Variants in KMT2E observed in about 807,000 individuals in gnomAD.
KMT2E encodes the protein lysine methyltransferase 2E (inactive), also known as histone reader KMT2E.
Under a neutral mutation model 184.6 loss-of-function variants are expected in KMT2E, and 30 were observed. The ratio of observed to expected loss-of-function variants is 0.16; its 90% CI spans 0.12 to 0.22. KMT2E has a LOEUF of 0.22. Among genes scored for constraint, KMT2E ranks in the 10% least tolerant of loss-of-function variants. KMT2E has a pLI of 1.00. For synonymous variants in KMT2E, 815 were observed against 776.5 expected (o/e 1.05, Z -0.82); for missense variants, 2,023 against 2,237.4 (o/e 0.90, Z 1.93).
chr7:105,072,204 G>C (rs1380008962), intron 6 of KMT2E, among the ~76,000 whole-genome samples: 1 of 152,068 alleles, frequency 6.6e-6, no homozygotes, highest in African/African-American at 2.4e-5. Flanking sequence ...TGTCGTCCCA[G>C]CTACTTGGGA....
At chr7:105,063,324 G>A (rs371764165) in intron 4 of KMT2E, 27 bp from the exon 5 acceptor site, 17 of 1,427,646 alleles carry the variant, frequency 1.2e-5, no homozygotes, top group African/African-American at 2.9e-5. Flanking sequence ...AAATAATATT[G>A]TGCTATATTT....
In KMT2E at chr7:105,015,965, C is replaced by G. The variant is rs532209038; in HGVS notation, c.-189+1430C>G. Among the ~76,000 whole-genome samples, 6 of 150,156 alleles carry G rather than the reference C, an allele frequency of 4.0e-5. No homozygotes were observed. The South Asian group carries it at 1.3e-3, about 32-fold the overall frequency. On this transcript the variant is annotated intron_variant, in intron 1 of 26. Coordinates refer to ENST00000311117, the MANE Select transcript of KMT2E (RefSeq NM_182931.3). Reference sequence around the variant, plus strand: ...TTCAGTGGTGATGATGGGTGCGCTTCAACATTAAAAAAAAATTATTTGGGT... The same window carrying G: ...TTCAGTGGTGATGATGGGTGCGCTTGAACATTAAAAAAAAATTATTTGGGT...
At chr7:105,080,363 A>G (rs527730870) in intron 12 of KMT2E, among the ~76,000 whole-genome samples, 5 of 150,252 alleles carry the variant, frequency 3.3e-5, no homozygotes, top group Non-Finnish European at 7.4e-5. Context: ...TAATTATATA[A>G]TGTTGCAGCC....
At chr7:105,062,363 A>G in intron 4 of KMT2E, 85 bp downstream of exon 4, 3 of 782,220 alleles carry the variant, frequency 3.8e-6, no homozygotes, top group Non-Finnish European at 6.1e-6. Context: ...TTGAAACGGC[A>G]TGTTTGAAAA....
At position 105,054,663 on chromosome 7, in the gene KMT2E, A is replaced by C. The variant is rs140394452; in HGVS notation, c.72-7501A>C. Among the ~76,000 whole-genome samples the C allele has an allele frequency of 3.0e-3, 457 of 152,066 alleles. 15 individuals are homozygous for C. The East Asian group carries it at 0.063, about 21-fold the overall frequency. ...CCGAGTAGCTGGGATTATAGGCATG[A>C]GCCACCATGCCTGGCTAATTTTGTA... On this transcript the variant is annotated intron_variant, in intron 3 of 26. Transcript: ENST00000311117.
chr7:105,049,274 A>ATC (rs1035033647), intron 3 of KMT2E, among the ~76,000 whole-genome samples: 2 of 151,788 alleles, frequency 1.3e-5, no homozygotes, highest in Admixed American at 1.3e-4. Flanking sequence ...ATGAAACCCC[A>ATC]TCTGTACAAA....
chr7:105,096,097 A>T (rs1013788536), intron 15 of KMT2E, among the ~76,000 whole-genome samples: 1 of 152,086 alleles, frequency 6.6e-6, no homozygotes, highest in African/African-American at 2.4e-5. Flanking sequence ...TCTACTAAAA[A>T]TACAAAAATT....
chr7:105,086,112 A>G (rs1797953699), intron 13 of KMT2E, among the ~76,000 whole-genome samples: 1 of 152,120 alleles, frequency 6.6e-6, no homozygotes, highest in African/African-American at 2.4e-5. Flanking sequence ...ATTACGTGAG[A>G]TTAACCTGCA....
intron 15 of KMT2E, among the ~76,000 whole-genome samples, chr7:105,099,332 T>C (rs1798557032): frequency 6.6e-6 from 1 of 152,204 alleles, no homozygotes; most frequent in Non-Finnish European, 1.5e-5. Context: ...ATAGTAATTA[T>C]GGCTCTGCTT....
chr7:105,030,605 A>G (rs1795368300), intron 1 of KMT2E, among the ~76,000 whole-genome samples: 1 of 152,202 alleles, frequency 6.6e-6, no homozygotes, highest in African/African-American at 2.4e-5. Context: ...ATTCTGTCCA[A>G]TGTTGTAACC....
In KMT2E at chr7:105,107,426, T is replaced by C. The variant is rs1488983149; in HGVS notation, c.2969T>C (p.Leu990Pro). 1.9e-5 allele frequency: 30 copies of C among 1,613,160 alleles called. No individual in the cohort carries two copies. The highest frequency in any genetic ancestry group is 2.5e-5 in the Non-Finnish European group (29 of 1,179,650). ...GPFRNSNLTE[L>P]GLQEIKTIGY... ...TTTAGAAATTCTAATTTAACTGAAC[T>C]GGGTCTGCAAGAAATAAAGACTATT... is the stretch of plus-strand genomic sequence containing the variant. Residue 990 changes from leucine to proline, a missense_variant, in exon 22 of 27, where the codon CTG becomes CCG. Coordinates refer to ENST00000311117, the MANE Select transcript of KMT2E (RefSeq NM_182931.3).
rs748982485 is a variant in KMT2E at position 105,106,791 on chromosome 7, GAAA to G, written c.2847+26_2847+28del. 36 of 1,587,478 alleles carry G rather than the reference GAAA, an allele frequency of 2.3e-5. No homozygotes were observed. In the East Asian group the frequency reaches 6.1e-4, roughly 27 times the overall value. On this transcript the variant is annotated intron_variant, in intron 20 of 26. Coordinates refer to ENST00000311117, the MANE Select transcript of KMT2E (RefSeq NM_182931.3). ...CTTTGAGGTGAGAAATTTTAATGGA[GAAA>G]AAAAAATTCAACACTTGGGGGGATG...
intron 13 of KMT2E, among the ~76,000 whole-genome samples, chr7:105,088,356 T>C (rs986437792): frequency 6.6e-6 from 1 of 152,244 alleles, no homozygotes; most frequent in Admixed American, 6.5e-5. Context: ...TATCTGTTAA[T>C]ACCTGATTTG....
chr7:105,041,064 A>AG, intron 3 of KMT2E, 41 bp downstream of exon 3: 1 of 1,296,070 alleles, frequency 7.7e-7, no homozygotes, highest in South Asian at 1.3e-5. Flanking sequence ...AAAAAAAAAA[A>AG]AACCCTTCTG....
chr7:105,074,694 A>G lies in KMT2E; in HGVS notation c.608A>G (p.Tyr203Cys), dbSNP rs779408494. ...ESGDEVPVEL[Y>C]TAFQHTPTSI... Reference sequence around the variant, plus strand: ...GGTGATGAGGTTCCTGTGGAATTATATACTGCATTTCAGCATACTCCAACA... The same window carrying G: ...GGTGATGAGGTTCCTGTGGAATTATGTACTGCATTTCAGCATACTCCAACA... Residue 203 changes from tyrosine (Y) to cysteine (C), a missense_variant, in exon 8 of 27, where the codon TAT (tyrosine) becomes TGT (cysteine). Physicochemically the swap from Tyr to Cys is radical, Grantham distance 194. This residue lies in a region of KMT2E where 191 missense variants were observed against 209.0 expected (regional missense o/e 0.91). Transcript: ENST00000311117. 2.5e-6 allele frequency: 4 copies of G among 1,603,658 alleles called. No homozygotes were observed. Among genetic ancestry groups the G allele is most frequent in the East Asian group, 2.3e-5 (1 of 44,260 alleles).
intron 1 of KMT2E, among the ~76,000 whole-genome samples, chr7:105,023,402 C>CAAAGAAAA (rs1795034038): frequency 1.8e-5 from 1 of 55,936 alleles, no homozygotes. Flanking sequence ...GACTCTGTCT[C>CAAAGAAAA]AAAAAAAAAA....
chr7:105,110,662 G>A, intron 25 of KMT2E, 60 bp downstream of exon 25: 2 of 1,607,916 alleles, frequency 1.2e-6, no homozygotes, highest in Non-Finnish European at 1.7e-6. Flanking sequence ...AGACAAGAGA[G>A]CCTTTATAAA....
chr7:105,082,423 A>T (rs1797794136), intron 13 of KMT2E, among the ~76,000 whole-genome samples: 1 of 152,248 alleles, frequency 6.6e-6, no homozygotes. Context: ...GACAATTAAC[A>T]CATATTCTGT....
Position 105,112,743 on chromosome 7 carries a change from A to G in KMT2E, c.4987A>G (p.Thr1663Ala), listed in dbSNP as rs572751542. 6.2e-7 allele frequency: 1 copy of G among 1,613,198 alleles called. No individual in the cohort carries two copies. The highest frequency in any genetic ancestry group is 1.7e-5 in the Admixed American group (1 of 59,924). ...AHVVGPVHAV[T>A]PGSHIHSQTA... ...TGTAGTAGGGCCTGTTCATGCGGTC[A>G]CCCCTGGGTCGCATATTCATTCTCA... Residue 1663 changes from threonine to alanine, a missense_variant, in exon 27 of 27, where the codon ACC becomes GCC. By Grantham distance (58) the Thr-to-Ala change is moderately conservative. Around this residue, in one of 8 missense-constraint regions of KMT2E, gnomAD observed 1,108 missense variants for 1,050.9 expected, o/e 1.05. Coordinates refer to ENST00000311117, the MANE Select transcript of KMT2E (RefSeq NM_182931.3).
Sources: gnomAD v4.1 joint callset for allele counts (sites outside exome capture counted in the v4.1 genomes callset) on GRCh38, gnomAD v4.1.1 for gene constraint, gnomAD v4.1.1 regional missense constraint, MANE v1.5 for transcripts, NCBI Gene and HGNC (gene_info 2026-07-23, HGNC 2026-07-21) for gene names.